SLC5A11: variants seen among roughly 807,000 people sequenced by gnomAD.
SLC5A11 encodes the protein sodium/myo-inositol cotransporter 2.
SLC5A11 carries 48 observed loss-of-function variants against 69.8 expected under a neutral mutation model. The ratio of observed to expected loss-of-function variants is 0.69; its 90% confidence interval spans 0.55 to 0.87. SLC5A11 has a LOEUF of 0.87. Ranked by LOEUF, SLC5A11 falls within the 40% of genes least tolerant of loss-of-function variation. The probability of loss-of-function intolerance (pLI) is 0.00; values close to 1 mark genes in which losing one functional copy is unlikely to be tolerated. For synonymous variants in SLC5A11, 319 were observed against 342.4 expected (o/e 0.93, Z 0.75); for missense variants, 784 against 866.1 (o/e 0.91, Z 1.19).
chr16:24,895,438 G>A (rs1339474033), intron 9 of SLC5A11, among the ~76,000 whole-genome samples: 1 of 151,646 alleles, frequency 6.6e-6, no homozygotes, highest in East Asian at 1.9e-4. Context: ...GCAGTGAGCA[G>A]AGATCCCAGC....
chr16:24,873,495 T>C (rs536431526), intron 5 of SLC5A11, among the ~76,000 whole-genome samples: 1 of 151,930 alleles, frequency 6.6e-6, no homozygotes, highest in East Asian at 2.0e-4. Flanking sequence ...AAGAATTAGC[T>C]GAGACTGGTG....
intron 1 of SLC5A11, among the ~76,000 whole-genome samples, chr16:24,855,350 C>T (rs559327238): frequency 1.3e-5 from 2 of 151,254 alleles, no homozygotes; most frequent in Non-Finnish European, 2.9e-5. Flanking sequence ...GCTTATAATC[C>T]CAGCACTTTG....
At position 24,852,394 on chromosome 16, in the gene SLC5A11, G is replaced by A. The variant is rs572558461; in HGVS notation, c.-25+5956G>A. On this transcript the variant is annotated intron_variant, in intron 1 of 15. Coordinates refer to ENST00000347898, the Ensembl canonical transcript of SLC5A11. ...AAATTATGTCAGTGGCCAAAAGGAA[G>A]GGATGAGAGAAGTCCCTGCTCCACT... 2.0e-5 allele frequency among the ~76,000 whole-genome samples: 3 copies of A among 152,344 alleles called. No individual in the cohort carries two copies. The East Asian group carries it at 5.8e-4, about 29-fold the overall frequency.
intron 10 of SLC5A11, among the ~76,000 whole-genome samples, chr16:24,899,256 C>T (rs1050178239): frequency 1.3e-5 from 2 of 152,180 alleles, no homozygotes; most frequent in Non-Finnish European, 2.9e-5. Flanking sequence ...CAACTGGGAT[C>T]TTGCCTCAAC....
chr16:24,853,770 G>A (rs1378231007), intron 1 of SLC5A11, among the ~76,000 whole-genome samples: 2 of 152,210 alleles, frequency 1.3e-5, no homozygotes, highest in South Asian at 2.1e-4. Context: ...GTGAAATCAC[G>A]TTTGCCTCAA....
intron 10 of SLC5A11, among the ~76,000 whole-genome samples, chr16:24,904,952 C>A (rs866916048): frequency 2.6e-5 from 4 of 152,050 alleles, no homozygotes; most frequent in African/African-American, 9.6e-5. Flanking sequence ...CCTCCACCCC[C>A]CGACAGGCCC....
At chr16:24,876,182 C>T (rs866227653) in intron 6 of SLC5A11, among the ~76,000 whole-genome samples, 5 of 142,478 alleles carry the variant, frequency 3.5e-5, no homozygotes, top group Admixed American at 7.4e-5. Flanking sequence ...GGTGAAAGAG[C>T]GAGACTCTGT....
intron 4 of SLC5A11, among the ~76,000 whole-genome samples, chr16:24,870,425 C>CAA (rs201617560): frequency 1.6e-5 from 2 of 124,452 alleles, no homozygotes; most frequent in Admixed American, 8.2e-5. Context: ...CAAAACAAAA[C>CAA]AAAAAAAACA....
chr16:24,869,150 G>A (rs1415076053), intron 3 of SLC5A11, among the ~76,000 whole-genome samples: 1 of 152,028 alleles, frequency 6.6e-6, no homozygotes, highest in Non-Finnish European at 1.5e-5. Context: ...TTACAAACGT[G>A]AGCCAGAGCG....
At chr16:24,910,230 G>A in intron 14 of SLC5A11, 76 bp from the exon 16 acceptor site, 3 of 1,467,556 alleles carry the variant, frequency 2.0e-6, no homozygotes, top group Non-Finnish European at 2.8e-6. Flanking sequence ...GGGGTTGGGT[G>A]GGGAGTGTGA....
intron 3 of SLC5A11, among the ~76,000 whole-genome samples, chr16:24,868,571 C>G (rs1353113102): frequency 2.0e-5 from 3 of 146,374 alleles, no homozygotes; most frequent in Non-Finnish European, 4.5e-5. Context: ...TGCACTCCAG[C>G]CTGGGAGACA....
intron 1 of SLC5A11, among the ~76,000 whole-genome samples, chr16:24,847,507 G>A (rs1489739559): frequency 1.3e-5 from 2 of 151,742 alleles, no homozygotes. Flanking sequence ...TCACCAGCAT[G>A]CCCTGCTAAC....
chr16:24,873,176 G>A (rs941681509), intron 5 of SLC5A11, among the ~76,000 whole-genome samples: 1 of 133,594 alleles, frequency 7.5e-6, no homozygotes, highest in African/African-American at 2.7e-5. Context: ...AAGGAAAGGG[G>A]AAAGGGGAAA....
At chr16:24,906,482 C>CA (rs2050069034) in intron 10 of SLC5A11, among the ~76,000 whole-genome samples, 175 bp from the exon 12 acceptor site, 1 of 152,136 alleles carries the variant, frequency 6.6e-6, no homozygotes, top group African/African-American at 2.4e-5. Flanking sequence ...ACAAATAGGG[C>CA]AACTCGTCTC....
At chr16:24,901,956 A>ACACACACG (rs1393594765) in intron 10 of SLC5A11, among the ~76,000 whole-genome samples, 1 of 95,840 alleles carries the variant, frequency 1.0e-5, no homozygotes, top group African/African-American at 3.0e-5. Flanking sequence ...ACACACACAC[A>ACACACACG]CGCACACACA....
At chr16:24,862,772 T>C in intron 3 of SLC5A11, 100 bp downstream of exon 4, 2 of 1,063,658 alleles carry the variant, frequency 1.9e-6, no homozygotes, top group South Asian at 3.5e-5. Context: ...TGGTCTCATG[T>C]CGTTTGGAAG....
chr16:24,883,752 G>A (rs915608950), intron 7 of SLC5A11, among the ~76,000 whole-genome samples: 1 of 152,200 alleles, frequency 6.6e-6, no homozygotes, highest in Non-Finnish European at 1.5e-5. Flanking sequence ...AAGTGCAGAA[G>A]CTGCAGGGCT....
intron 1 of SLC5A11, among the ~76,000 whole-genome samples, chr16:24,851,393 G>A (rs546958269): frequency 6.6e-6 from 1 of 152,186 alleles, no homozygotes; most frequent in African/African-American, 2.4e-5. Flanking sequence ...GGACGTGGTT[G>A]CAAACGCCTG....
intron 7 of SLC5A11, among the ~76,000 whole-genome samples, chr16:24,882,585 A>AAGATTGCTCTTTCC (rs1391188151): frequency 1.3e-5 from 2 of 152,162 alleles, no homozygotes; most frequent in East Asian, 3.9e-4. Flanking sequence ...AGAGACTGGA[A>AAGATTGCTCTTTCC]AGATTGCTCT....
Sources: gnomAD v4.1 joint callset for allele counts (sites outside exome capture counted in the v4.1 genomes callset) on GRCh38, gnomAD v4.1.1 for gene constraint, MANE v1.5 for transcripts, NCBI Gene and HGNC (gene_info 2026-07-23, HGNC 2026-07-21) for gene names.